SEC14L4: variants seen among roughly 807,000 people sequenced by gnomAD.
SEC14L4 encodes SEC14-like protein 4.
Under a neutral mutation model 55.1 loss-of-function variants are expected in SEC14L4, and 42 were observed. The observed-to-expected ratio is 0.76, with a 90% confidence interval of 0.60 to 0.99. SEC14L4 has a LOEUF of 0.99. SEC14L4 is among the 50% of genes least tolerant of loss of function. The pLI, the probability that SEC14L4 is intolerant of heterozygous loss-of-function variation, is 0.00. For missense variants in SEC14L4, 445 were observed against 512.1 expected (o/e 0.87, Z 1.27); for synonymous variants, 206 against 206.8 (o/e 1.00, Z 0.03).
chr22:30,499,968 C>T (rs1236504757), intron 2 of SEC14L4, among the ~76,000 whole-genome samples: 2 of 151,458 alleles, frequency 1.3e-5, no homozygotes, highest in Non-Finnish European at 2.9e-5. Context: ...CTCCTGGGTT[C>T]AAGCGATTCT....
At position 30,489,772 on chromosome 22, in the gene SEC14L4, TG is replaced by T; in HGVS notation, c.*334del. 7.9e-7 allele frequency: 1 copy of T among 1,272,810 alleles called. No individual in the cohort carries two copies. The highest frequency in any genetic ancestry group is 1.1e-6 in the Non-Finnish European group (1 of 892,664). 78.8% of individuals were successfully genotyped at this position (1,272,810 alleles called of 1,614,324 possible). ...TGGAACACCAGGCATGGGTGAGTCC[TG>T]GGTGGCTGGATCTTGTCAAGATGGG... is the stretch of plus-strand genomic sequence containing the variant. On this transcript the variant is annotated 3_prime_UTR_variant, in exon 12 of 12. Transcript: ENST00000255858.
chr22:30,494,660 C>T (rs1038340466), intron 6 of SEC14L4, among the ~76,000 whole-genome samples: 6 of 152,188 alleles, frequency 3.9e-5, no homozygotes, highest in Non-Finnish European at 5.9e-5. Flanking sequence ...CAGGCGTGAG[C>T]CACCACGCCT....
intron 2 of SEC14L4, among the ~76,000 whole-genome samples, chr22:30,501,034 G>A (rs1419102579): frequency 6.6e-6 from 1 of 151,664 alleles, no homozygotes; most frequent in Non-Finnish European, 1.5e-5. Context: ...CTGTGACCCT[G>A]TGTCTACAAA....
chr22:30,495,370 T>C lies in SEC14L4; in HGVS notation c.307A>G (p.Ile103Val). 6.2e-7 allele frequency: 1 copy of C among 1,613,954 alleles called. No homozygotes were observed. The highest frequency in any genetic ancestry group is 8.5e-7 in the Non-Finnish European group (1 of 1,179,988). Residue 103 changes from isoleucine to valine, a missense_variant, in exon 5 of 12, where the codon ATT becomes GTT. By Grantham distance (29) the Ile-to-Val change is conservative. Coordinates refer to ENST00000255858, the MANE Select transcript of SEC14L4 (RefSeq NM_174977.4). ...YEGCPVYFNI[I>V]GSLDPKGLLL... ...AGACCCTTGGGGTCGAGGGACCCAATGATGTTGAAGTACACAGGGCAGCCT... is the reference window on the plus strand; with the variant it reads ...AGACCCTTGGGGTCGAGGGACCCAACGATGTTGAAGTACACAGGGCAGCCT...
chr22:30,499,347 T>G (rs2146192958), intron 2 of SEC14L4, among the ~76,000 whole-genome samples: 1 of 151,194 alleles, frequency 6.6e-6, no homozygotes, highest in African/African-American at 2.4e-5. Flanking sequence ...CCTCCCAAAG[T>G]GCTGGGATTA....
At position 30,489,401 on chromosome 22, in the gene SEC14L4, G is replaced by A. The variant is rs57367615; in HGVS notation, c.*706C>T. On this transcript the variant is annotated 3_prime_UTR_variant, in exon 12 of 12. Transcript: ENST00000255858. ...ATTACAGGTGCACGCCACCATGCCC[G>A]GCTAATTTTTGTATTTTTAGTAGAG... is the stretch of plus-strand genomic sequence containing the variant. 919 of 183,686 alleles carry A rather than the reference G, an allele frequency of 5.0e-3. 7 individuals carry two copies. The highest frequency in any genetic ancestry group is 0.019 in the African/African-American group (796 of 42,432). The allele number at this position is 183,686 out of a possible 1,614,324, so 11.4% of individuals were successfully genotyped here.
At chr22:30,505,009 G>A (rs1936446490) in intron 1 of SEC14L4, among the ~76,000 whole-genome samples, 1 of 151,868 alleles carries the variant, frequency 6.6e-6, no homozygotes, top group African/African-American at 2.4e-5. Context: ...GCGGGCACCT[G>A]TAGCCCCAGC....
chr22:30,490,406 G>T, intron 11 of SEC14L4, 160 bp from the exon 12 acceptor site: 1 of 1,213,776 alleles, frequency 8.2e-7, no homozygotes, highest in Non-Finnish European at 1.1e-6. Flanking sequence ...CAGGACAGTG[G>T]GTGGGGCCTG....
rs1336483951 is a variant in SEC14L4 at position 30,489,805 on chromosome 22, G to C, written c.*302C>G. ...TGGATCTTGTCAAGATGGGTGAAAGGGCAGCTTCTGCAAGCAGGACCCATC... is the reference window on the plus strand; with the variant it reads ...TGGATCTTGTCAAGATGGGTGAAAGCGCAGCTTCTGCAAGCAGGACCCATC... On this transcript the variant is annotated 3_prime_UTR_variant, in exon 12 of 12. Coordinates refer to ENST00000255858, the MANE Select transcript of SEC14L4 (RefSeq NM_174977.4). The C allele has an allele frequency of 6.7e-7, 1 of 1,483,216 alleles. No individual in the cohort carries two copies. The highest frequency in any genetic ancestry group is 9.2e-7 in the Non-Finnish European group (1 of 1,084,576). 91.9% of individuals were successfully genotyped at this position (1,483,216 alleles called of 1,614,324 possible).
At chr22:30,496,943 C>T (rs1483118632) in intron 2 of SEC14L4, among the ~76,000 whole-genome samples, 1 of 152,152 alleles carries the variant, frequency 6.6e-6, no homozygotes, top group Non-Finnish European at 1.5e-5. Flanking sequence ...GGAATTTGTC[C>T]ACTCCCAGAG....
chr22:30,488,985 G>T lies in SEC14L4; in HGVS notation c.*1122C>A, dbSNP rs1935867688. The T allele has an allele frequency of 2.6e-5, 4 of 151,366 alleles. No homozygotes were observed. The highest frequency in any genetic ancestry group is 2.6e-4 in the Admixed American group (4 of 15,174). 9.4% of individuals were successfully genotyped at this position (151,366 alleles called of 1,614,324 possible). ...TGGCTTTAGGAGTTTAATCTAGATG[G>T]TTTGCTGTTTCTAGCAGCAGAGCAC... On this transcript the variant is annotated 3_prime_UTR_variant, in exon 12 of 12. Transcript: ENST00000255858.
In SEC14L4 at chr22:30,503,637, T is replaced by C. The variant is rs752926297; in HGVS notation, c.130+40A>G. ...CTCCTCTCCTGAGACCCTCCTTCCT[T>C]CCCTCCCTTTCTGCGTCCCCTGACC... is the stretch of plus-strand genomic sequence containing the variant. On this transcript the variant is annotated intron_variant, in intron 2 of 11. Transcript: ENST00000255858. The C allele has an allele frequency of 3.6e-5, 52 of 1,437,596 alleles. No homozygotes were observed. The Admixed American group carries it at 5.4e-4, about 15-fold the overall frequency. The allele number at this position is 1,437,596 out of a possible 1,614,324, so 89.1% of individuals were successfully genotyped here.
At chr22:30,495,506 G>T in intron 4 of SEC14L4, 64 bp from the exon 5 acceptor site, 2 of 1,608,096 alleles carry the variant, frequency 1.2e-6, no homozygotes, top group Non-Finnish European at 1.7e-6. Context: ...ACTCCATCAG[G>T]TGGCTGGACG....
chr22:30,492,512 A>C lies in SEC14L4; in HGVS notation c.626T>G (p.Met209Arg), dbSNP rs778430352. Residue 209 changes from methionine to arginine, a missense_variant, in exon 8 of 12, where the codon ATG (methionine) becomes AGG (arginine). By Grantham distance (91) the Met-to-Arg change is moderately conservative. Transcript: ENST00000255858. ...PVAFNLVKSF[M>R]SEETRRKIVI... ...AATCTTCCTGCGTGTCTCCTCACTC[A>C]TGAACGACTTGACCAAGTTGAAGGC... The C allele has an allele frequency of 6.2e-7, 1 of 1,614,044 alleles. No homozygotes were observed. Among genetic ancestry groups the C allele is most frequent in the Non-Finnish European group, 8.5e-7 (1 of 1,179,910 alleles).
chr22:30,505,474 T>C (rs1936459356), intron 1 of SEC14L4, 84 bp downstream of exon 1: 3 of 1,370,620 alleles, frequency 2.2e-6, no homozygotes, highest in Middle Eastern at 1.8e-4. Flanking sequence ...TTCCAGTCTG[T>C]ACCATGGGGG....
rs142674998 is a variant in SEC14L4 at position 30,490,227 on chromosome 22, G to A, written c.1101C>T (p.Asn367=). The change falls in exon 12 of 12, where the codon AAC becomes AAT. Residue 367 remains asparagine, a synonymous_variant. Transcript: ENST00000255858. ...QAGVYVLRFD[N]TYSRMHAKKL... is the part of the protein sequence containing the mutation. Reference sequence around the variant, plus strand: ...TCTTGGCATGCATCCGGCTGTAGGTGTTGTCGAAGCGCAGGACATCTGCAG... The same window carrying A: ...TCTTGGCATGCATCCGGCTGTAGGTATTGTCGAAGCGCAGGACATCTGCAG... The A allele has an allele frequency of 2.2e-3, 3,525 of 1,613,834 alleles. 20 individuals are homozygous for A. Among genetic ancestry groups the A allele is most frequent in the African/African-American group, 0.014 (1,059 of 75,050 alleles).
intron 2 of SEC14L4, among the ~76,000 whole-genome samples, chr22:30,500,315 T>C (rs1331070930): frequency 6.6e-6 from 1 of 152,116 alleles, no homozygotes; most frequent in South Asian, 2.1e-4. Flanking sequence ...TGGATTTTGG[T>C]CTTATATATT....
At position 30,505,632 on chromosome 22, in the gene SEC14L4, G is replaced by C; in HGVS notation, c.-21C>G. ...CTCATGGTGCCCGCGGGCGCAGAAA[G>C]GCTCAGGGCGCAGGTCCGCCCGCCC... On this transcript the variant is annotated 5_prime_UTR_variant, in exon 1 of 12. Transcript: ENST00000255858. 2.6e-6 allele frequency: 4 copies of C among 1,542,320 alleles called. No homozygotes were observed. Among genetic ancestry groups the C allele is most frequent in the Non-Finnish European group, 3.5e-6 (4 of 1,149,026 alleles).
In SEC14L4 at chr22:30,491,826, A is replaced by G. The variant is rs1935966537; in HGVS notation, c.911+8T>C. ...TGTGCCCAGGTGTAGAGTGGCTGCC[A>G]TCCCTACCTGAGCACACAGCCCGGG... On this transcript the variant is annotated splice_region_variant and intron_variant, in intron 10 of 11. Transcript: ENST00000255858. 2 of 1,611,588 alleles carry G rather than the reference A, an allele frequency of 1.2e-6. No individual in the cohort carries two copies. The highest frequency in any genetic ancestry group is 1.3e-5 in the African/African-American group (1 of 74,822).
Sources: gnomAD v4.1 joint callset for allele counts (sites outside exome capture counted in the v4.1 genomes callset) on GRCh38, gnomAD v4.1.1 for gene constraint, MANE v1.5 for transcripts, NCBI Gene and HGNC (gene_info 2026-07-23, HGNC 2026-07-21) for gene names.